The following ZSCAN5A variants were observed in gnomAD, a reference collection of about 807,000 sequenced individuals.
ZSCAN5A encodes the protein zinc finger and SCAN domain-containing protein 5A.
A neutral mutation model predicts 23.7 loss-of-function variants in ZSCAN5A; 12 were observed. That is an observed-to-expected ratio of 0.51 (90% CI 0.32 to 0.82). The LOEUF is 0.82. Among genes scored for constraint, ZSCAN5A ranks in the 40% least tolerant of loss-of-function variants. The pLI is 0.03. For synonymous variants in ZSCAN5A, 257 were observed against 239.9 expected (o/e 1.07, Z -0.66); for missense variants, 597 against 617.9 (o/e 0.97, Z 0.36).
Position 56,244,472 on chromosome 19 carries a change from G to A in ZSCAN5A, c.-127-19299C>T, listed in dbSNP as rs1037841217. The A allele has an allele frequency of 4.5e-6, 7 of 1,551,154 alleles. No homozygotes were observed. The African/African-American group carries it at 8.2e-5, about 18-fold the overall frequency. On this transcript the variant is annotated intron_variant, in intron 2 of 5. Transcript: ENST00000683990. ...TGGTGCAGGGAAGGGGAGCTGGGAT[G>A]GGGGCTGCACGGTGCAGCTGGACTC...
intron 2 of ZSCAN5A, among the ~76,000 whole-genome samples, chr19:56,334,598 G>A (rs2041518188): frequency 6.6e-6 from 1 of 151,928 alleles, no homozygotes. Context: ...TTTATTTTTT[G>A]TGTTACAAAC....
At chr19:56,341,468 C>G (rs1287009440) in intron 2 of ZSCAN5A, among the ~76,000 whole-genome samples, 2 of 151,956 alleles carry the variant, frequency 1.3e-5, no homozygotes, top group African/African-American at 4.8e-5. Context: ...GTCAGATTCT[C>G]CAAGGTTGAA....
chr19:56,301,994 T>C, intron 2 of ZSCAN5A: 1 of 1,232,012 alleles, frequency 8.1e-7, no homozygotes, highest in Non-Finnish European at 1.0e-6. Flanking sequence ...CACCACCCCA[T>C]CCAGGAAACC....
chr19:56,256,979 A>T (rs1042701550), intron 2 of ZSCAN5A, among the ~76,000 whole-genome samples: 2 of 152,130 alleles, frequency 1.3e-5, no homozygotes, highest in Non-Finnish European at 2.9e-5. Context: ...GGGAAGGGGA[A>T]ATTAAATGCT....
intron 2 of ZSCAN5A, chr19:56,321,105 G>A (rs761879369): frequency 1.4e-6 from 1 of 690,648 alleles, no homozygotes; most frequent in Non-Finnish European, 2.7e-6. Flanking sequence ...CTGTAACAAG[G>A]GGACGGATAC....
intron 2 of ZSCAN5A, among the ~76,000 whole-genome samples, chr19:56,274,007 A>G (rs1407852607): frequency 6.6e-6 from 1 of 152,134 alleles, no homozygotes; most frequent in Non-Finnish European, 1.5e-5. Context: ...GGGGATAAGT[A>G]GAAGGTTACG....
intron 2 of ZSCAN5A, chr19:56,243,907 T>G (rs1600072221): frequency 8.5e-6 from 4 of 471,878 alleles, no homozygotes; most frequent in East Asian, 6.4e-5. Flanking sequence ...CGGGCTCATG[T>G]TTTTTTTTGC....
chr19:56,354,110 T>C (rs1010016495), intron 2 of ZSCAN5A, among the ~76,000 whole-genome samples: 154 of 152,234 alleles, frequency 1.0e-3, no homozygotes, highest in African/African-American at 3.3e-3. Context: ...GGGAAAGTAG[T>C]GTGGTGGTTG....
chr19:56,333,497 T>C (rs990467234), intron 2 of ZSCAN5A, among the ~76,000 whole-genome samples: 4 of 152,056 alleles, frequency 2.6e-5, no homozygotes, highest in African/African-American at 9.7e-5. Flanking sequence ...CCAGAAGCTC[T>C]GACTGATTTC....
intron 2 of ZSCAN5A, among the ~76,000 whole-genome samples, chr19:56,360,687 T>A (rs1321036721): frequency 3.9e-5 from 6 of 152,016 alleles, no homozygotes; most frequent in African/African-American, 4.8e-5. Flanking sequence ...TAACTCTAGA[T>A]GGATTAAAGA....
chr19:56,221,728 C>T lies in ZSCAN5A; in HGVS notation c.1338G>A (p.Lys446=), dbSNP rs758381341. ...GGCTCCCCCTGTAGGTGAAAACTTT[C>T]TTGCAGTCTTTACATTCGAAGGGCT... ...GEKPFECKDC[K]KVFTYRGSLK... The change falls in exon 6 of 6, where the codon AAG becomes AAA. Residue 446 remains lysine, a synonymous_variant. Transcript: ENST00000683990. 4 of 1,614,236 alleles carry T rather than the reference C, an allele frequency of 2.5e-6. No homozygotes were observed. Among genetic ancestry groups the T allele is most frequent in the Admixed American group, 3.3e-5 (2 of 60,032 alleles).
intron 2 of ZSCAN5A, among the ~76,000 whole-genome samples, chr19:56,302,595 T>C (rs374652707): frequency 0.17 from 6,238 of 36,598 alleles, 558 homozygotes; most frequent in African/African-American, 0.45. Context: ...TTTCTTCCTC[T>C]CCCTCTTCTT....
chr19:56,284,762 C>T (rs1196408908), intron 2 of ZSCAN5A, among the ~76,000 whole-genome samples: 1 of 152,052 alleles, frequency 6.6e-6, no homozygotes, highest in Non-Finnish European at 1.5e-5. Context: ...GATCCACCCA[C>T]CTCAGCCCCC....
At chr19:56,293,152 A>G (rs1015786081) in intron 2 of ZSCAN5A, among the ~76,000 whole-genome samples, 1 of 152,168 alleles carries the variant, frequency 6.6e-6, no homozygotes, top group Non-Finnish European at 1.5e-5. Flanking sequence ...CTGAAAAAAC[A>G]AATTGAAAAA....
upstream of ZSCAN5A, chr19:56,315,445 G>A (rs1010409821): frequency 2.0e-5 from 3 of 152,238 alleles, no homozygotes; most frequent in Non-Finnish European, 4.4e-5. Flanking sequence ...GTGGTGCCCT[G>A]GGAGATGAGG....
rs4801692 is a variant in ZSCAN5A at position 56,223,646 on chromosome 19, T to C, written c.573A>G (p.Ala191=). ...RELQILPRVP[A]LSRRQGEDFL... is the part of the protein sequence containing the mutation. ...ACACACTCACCTGCCTCCTGGACAA[T>C]GCAGGGACCCTGGGCAGGATCTGCA... Residue 191 remains alanine, a synonymous_variant, in exon 4 of 6, where the codon GCA becomes GCG. Coordinates refer to ENST00000683990, the MANE Select transcript of ZSCAN5A (RefSeq NM_001322064.3). 78,536 of 1,613,552 alleles carry C rather than the reference T, an allele frequency of 0.049. 2,154 individuals are homozygous for C. The highest frequency in any genetic ancestry group is 0.1 in the African/African-American group (7,565 of 74,854).
chr19:56,346,482 A>G (rs2041633978), intron 2 of ZSCAN5A, among the ~76,000 whole-genome samples: 1 of 151,864 alleles, frequency 6.6e-6, no homozygotes, highest in African/African-American at 2.4e-5. Flanking sequence ...AGTTGCCTGA[A>G]GGAAAACCTG....
chr19:56,285,536 G>A (rs138977638), intron 2 of ZSCAN5A, among the ~76,000 whole-genome samples: 6 of 151,982 alleles, frequency 3.9e-5, no homozygotes, highest in African/African-American at 9.7e-5. Flanking sequence ...TGTACATTTA[G>A]TTTTTTTTCT....
At chr19:56,265,584 G>A (rs1415146930) in intron 2 of ZSCAN5A, among the ~76,000 whole-genome samples, 5 of 151,654 alleles carry the variant, frequency 3.3e-5, no homozygotes, top group Admixed American at 2.0e-4. Flanking sequence ...TGGCAGAAAC[G>A]GACTTTGGCT....
Sources: gnomAD v4.1 joint callset for allele counts (sites outside exome capture counted in the v4.1 genomes callset) on GRCh38, gnomAD v4.1.1 for gene constraint, MANE v1.5 for transcripts, NCBI Gene and HGNC (gene_info 2026-07-23, HGNC 2026-07-21) for gene names.